Variants in DECR1 observed in about 807,000 individuals in gnomAD.
DECR1 encodes 2,4-dienoyl-CoA reductase 1.
In DECR1, 44 loss-of-function variants were observed where a neutral mutation model predicts 38.8. The observed-to-expected ratio is 1.13, with a 90% CI of 0.89 to 1.46. The LOEUF (loss-of-function observed/expected upper bound fraction) is 1.46. Among genes scored for constraint, DECR1 ranks in the 40% most tolerant of loss-of-function variants. DECR1 has a pLI of 0.00. For synonymous variants in DECR1, 148 were observed against 135.2 expected (o/e 1.09, Z -0.66); for missense variants, 428 against 405.5 (o/e 1.06, Z -0.48).
chr8:90,022,868 T>C (rs1047663100), intron 5 of DECR1, among the ~76,000 whole-genome samples: 2 of 152,182 alleles, frequency 1.3e-5, no homozygotes, highest in African/African-American at 4.8e-5. Context: ...TAACATAGAC[T>C]CTGATCTATT....
At chr8:90,011,697 A>G (rs556100790) in intron 1 of DECR1, among the ~76,000 whole-genome samples, 1 of 152,230 alleles carries the variant, frequency 6.6e-6, no homozygotes, top group South Asian at 2.1e-4. Context: ...TTTCAATATG[A>G]TTATAAACAG....
At chr8:90,045,300 G>A (rs1813865775) in intron 8 of DECR1, among the ~76,000 whole-genome samples, 2 of 152,062 alleles carry the variant, frequency 1.3e-5, no homozygotes, top group African/African-American at 4.8e-5. Flanking sequence ...CCTGACAGAT[G>A]GTACCTGGAA....
At chr8:90,024,222 G>T (rs1813241152) in intron 5 of DECR1, among the ~76,000 whole-genome samples, 1 of 152,058 alleles carries the variant, frequency 6.6e-6, no homozygotes. Context: ...TAATCCTTTG[G>T]GTATATACCC....
chr8:90,028,902 A>C (rs1176820392), intron 5 of DECR1, among the ~76,000 whole-genome samples: 2 of 152,148 alleles, frequency 1.3e-5, no homozygotes, highest in Non-Finnish European at 2.9e-5. Context: ...CCATTTATAG[A>C]CATGGGTGGA....
At chr8:90,005,261 T>C in intron 1 of DECR1, 1 of 448,482 alleles carries the variant, frequency 2.2e-6, no homozygotes, top group Non-Finnish European at 4.5e-6. Flanking sequence ...TTCTTATTTA[T>C]GTAGAAAATT....
In DECR1 at chr8:90,051,675, A is replaced by G. The variant is rs1280862166; in HGVS notation, c.886-2A>G. 5.0e-6 allele frequency: 8 copies of G among 1,610,834 alleles called. No homozygotes were observed. The highest frequency in any genetic ancestry group is 3.3e-5 in the South Asian group (3 of 90,640). On this transcript the variant is annotated splice_acceptor_variant, in intron 8 of 9. Transcript: ENST00000220764. LOFTEE classifies it high-confidence loss of function. ...CAGAGTTTAAAAATTTGTTTTTTCC[A>G]GGTCATTAAATTTGACGGTGGAGAG...
At chr8:90,015,187 A>G (rs1333185687) in intron 1 of DECR1, among the ~76,000 whole-genome samples, 2 of 152,176 alleles carry the variant, frequency 1.3e-5, no homozygotes, top group South Asian at 2.1e-4. Context: ...ATAATTATCT[A>G]TAATCTCATC....
At chr8:90,011,076 T>C (rs981381691) in intron 1 of DECR1, among the ~76,000 whole-genome samples, 1 of 152,230 alleles carries the variant, frequency 6.6e-6, no homozygotes, top group Non-Finnish European at 1.5e-5. Flanking sequence ...TGACAGTTTT[T>C]GTGCATATGT....
At chr8:90,024,111 C>G (rs1017002208) in intron 5 of DECR1, among the ~76,000 whole-genome samples, 4 of 152,190 alleles carry the variant, frequency 2.6e-5, no homozygotes, top group African/African-American at 9.7e-5. Context: ...TTAATCCAGT[C>G]TATCATTGAT....
intron 1 of DECR1, among the ~76,000 whole-genome samples, chr8:90,012,712 G>A (rs1449975173): frequency 6.6e-6 from 1 of 152,208 alleles, no homozygotes; most frequent in East Asian, 1.9e-4. Flanking sequence ...ATGAATATAA[G>A]GTCGTGTCCC....
intron 1 of DECR1, among the ~76,000 whole-genome samples, chr8:90,002,802 A>ATTTTTTCTCTCC (rs1276141414): frequency 6.6e-5 from 10 of 152,102 alleles, no homozygotes; most frequent in African/African-American, 2.4e-4. Context: ...CCCTGTGAAA[A>ATTTTTTCTCTCC]CTGGGTTATA....
chr8:90,022,917 T>C (rs1813201976), intron 5 of DECR1, among the ~76,000 whole-genome samples: 1 of 152,218 alleles, frequency 6.6e-6, no homozygotes, highest in Non-Finnish European at 1.5e-5. Flanking sequence ...ATGAGCTTCA[T>C]TAAAAATATA....
intron 1 of DECR1, among the ~76,000 whole-genome samples, chr8:90,004,996 C>G (rs371569149): frequency 1.3e-5 from 2 of 152,214 alleles, no homozygotes; most frequent in East Asian, 3.9e-4. Flanking sequence ...CTGTACATAC[C>G]TAGAGGAGGC....
rs1814142061 is a variant in DECR1, at chr8:90,053,417, T to A, written c.*1520T>A. ...CAGATCTCGTGAGACTTATTCACTA[T>A]CACACTATTGTGTTGATATTGTGTT... On this transcript the variant is annotated 3_prime_UTR_variant, in exon 10 of 10. Coordinates refer to ENST00000220764, the MANE Select transcript of DECR1 (RefSeq NM_001359.2). Among the ~76,000 whole-genome samples, 1 of 152,202 alleles carries A rather than the reference T, an allele frequency of 6.6e-6. No individual in the cohort carries two copies. Among genetic ancestry groups the A allele is most frequent in the South Asian group, 2.1e-4 (1 of 4,834 alleles).
rs28477705 is a variant in DECR1, at chr8:90,052,273, C to T, written c.*376C>T. Among the ~76,000 whole-genome samples, 219 of 151,978 alleles carry T rather than the reference C, an allele frequency of 1.4e-3. 1 individual carries two copies. Among genetic ancestry groups the T allele is most frequent in the African/African-American group, 5.1e-3 (210 of 41,434 alleles). The stretch of plus-strand genomic sequence containing the variant: ...ATATACTATACCTATATTAATAGGG[C>T]CTAAAAGAAAGAAATTAGAGGATAC... On this transcript the variant is annotated 3_prime_UTR_variant, in exon 10 of 10. Coordinates refer to ENST00000220764, the MANE Select transcript of DECR1 (RefSeq NM_001359.2).
intron 8 of DECR1, among the ~76,000 whole-genome samples, chr8:90,046,197 G>A (rs1813896774): frequency 6.6e-6 from 1 of 152,234 alleles, no homozygotes; most frequent in African/African-American, 2.4e-5. Flanking sequence ...ACTTTGACGA[G>A]TTGAGAGAAG....
intron 1 of DECR1, chr8:90,016,738 A>G (rs1813018199): frequency 6.0e-6 from 1 of 165,904 alleles, no homozygotes; most frequent in Non-Finnish European, 1.3e-5. Flanking sequence ...TAATGGTAGC[A>G]TTTGTAGTGC....
intron 5 of DECR1, among the ~76,000 whole-genome samples, chr8:90,026,749 T>A (rs1341030444): frequency 6.6e-6 from 1 of 152,218 alleles, no homozygotes; most frequent in African/African-American, 2.4e-5. Flanking sequence ...CTTAGTAATT[T>A]CTTGCCTTCT....
chr8:90,009,235 GC>G (rs1320903176), intron 1 of DECR1, among the ~76,000 whole-genome samples: 1 of 151,884 alleles, frequency 6.6e-6, no homozygotes, highest in African/African-American at 2.4e-5. Context: ...CCATAAGCAT[GC>G]CCCCTGCTTA....
Sources: allele counts gnomAD v4.1 joint callset (sites outside exome capture counted in the v4.1 genomes callset), GRCh38; gene constraint gnomAD v4.1.1; transcripts MANE v1.5; gene names NCBI Gene and HGNC (gene_info 2026-07-23, HGNC 2026-07-21).